The following DNAH9 variants were observed in gnomAD, a reference collection of about 807,000 sequenced individuals.
The protein encoded by DNAH9 is DNAH9 variant protein.
A neutral mutation model predicts 471.6 loss-of-function variants in DNAH9; 345 were observed. That is an observed-to-expected ratio of 0.73 (90% confidence interval 0.67 to 0.80). The LOEUF is 0.80. DNAH9 is among the 30% of genes least tolerant of loss of function. The probability of loss-of-function intolerance (pLI) is 0.00; values close to 1 mark genes in which losing one functional copy is unlikely to be tolerated. For synonymous variants in DNAH9, 2,093 were observed against 2,123.6 expected (o/e 0.99, Z 0.40); for missense variants, 5,407 against 5,609.2 (o/e 0.96, Z 1.15).
intron 67 of DNAH9, among the ~76,000 whole-genome samples, chr17:11,949,529 T>C (rs1243249323): frequency 6.6e-6 from 1 of 152,050 alleles, no homozygotes; most frequent in African/African-American, 2.4e-5. Context: ...TTGTCCAGGC[T>C]GGAGTGCAAT....
chr17:11,650,815 G>A (rs1043354552), intron 12 of DNAH9, among the ~76,000 whole-genome samples: 3 of 152,148 alleles, frequency 2.0e-5, no homozygotes, highest in Non-Finnish European at 2.9e-5. Context: ...TATCACACTT[G>A]TCTCTGTTCT....
chr17:11,796,067 T>C (rs1011065805), intron 42 of DNAH9, among the ~76,000 whole-genome samples: 1 of 152,262 alleles, frequency 6.6e-6, no homozygotes, highest in Non-Finnish European at 1.5e-5. Flanking sequence ...GTTGATTTTC[T>C]CTCTGCCTTC....
intron 54 of DNAH9, among the ~76,000 whole-genome samples, chr17:11,880,409 C>T (rs1972673765): frequency 1.3e-5 from 2 of 152,156 alleles, no homozygotes; most frequent in African/African-American, 4.8e-5. Flanking sequence ...AACTTTGCTT[C>T]CATCAGCCAG....
At chr17:11,693,829 T>C (rs1333147710) in intron 20 of DNAH9, 39 bp from the exon 21 acceptor site, 1 of 1,612,962 alleles carries the variant, frequency 6.2e-7, no homozygotes, top group Non-Finnish European at 8.5e-7. Flanking sequence ...AGGAACTGAG[T>C]GGAGTGGTGG....
Position 11,598,487 on chromosome 17 carries a change from A to C in DNAH9, c.-12A>C. On this transcript the variant is annotated 5_prime_UTR_variant, in exon 1 of 69. Coordinates refer to ENST00000262442, the MANE Select transcript of DNAH9 (RefSeq NM_001372.4). ...TCGCTAGGGAAACCGATGCAGCTGG[A>C]GGCCGCGCGCGATGCGGCTCGCGGA... The C allele has an allele frequency of 3.7e-6, 5 of 1,363,406 alleles. No individual in the cohort carries two copies. Among genetic ancestry groups the C allele is most frequent in the Non-Finnish European group, 4.7e-6 (5 of 1,066,718 alleles). 84.5% of individuals were successfully genotyped at this position (1,363,406 alleles called of 1,614,324 possible).
chr17:11,953,077 C>T (rs1408108812), intron 67 of DNAH9, among the ~76,000 whole-genome samples: 1 of 152,166 alleles, frequency 6.6e-6, no homozygotes, highest in Admixed American at 6.5e-5. Context: ...GGGCTTCATC[C>T]TTATGACGTC....
chr17:11,636,846 C>G (rs2073176367), intron 9 of DNAH9, 62 bp downstream of exon 9: 2 of 1,431,274 alleles, frequency 1.4e-6, no homozygotes, highest in South Asian at 2.3e-5. Flanking sequence ...GCAACTCATT[C>G]CTCTTGTATT....
intron 57 of DNAH9, among the ~76,000 whole-genome samples, chr17:11,889,146 C>G (rs1972972228): frequency 6.6e-6 from 1 of 152,184 alleles, no homozygotes; most frequent in Non-Finnish European, 1.5e-5. Flanking sequence ...TCACTGGGTT[C>G]TCCTGCAGAT....
chr17:11,890,775 CAT>C (rs1176341070), intron 57 of DNAH9, among the ~76,000 whole-genome samples: 5 of 152,158 alleles, frequency 3.3e-5, no homozygotes, highest in Admixed American at 2.6e-4. Flanking sequence ...GTGGCACCAG[CAT>C]AGTTCATTGC....
chr17:11,689,261 A>G (rs917347514), intron 19 of DNAH9, among the ~76,000 whole-genome samples: 3 of 152,042 alleles, frequency 2.0e-5, no homozygotes, highest in Admixed American at 1.3e-4. Context: ...AGGGGCTTGG[A>G]TAAGGGGGTA....
Position 11,629,468 on chromosome 17 carries a change from A to G in DNAH9, c.1402A>G (p.Ser468Gly), listed in dbSNP as rs2073027555. Residue 468 changes from serine to glycine, a missense_variant, in exon 7 of 69, where the codon AGC (serine) becomes GGC (glycine). Physicochemically the swap from Ser to Gly is moderately conservative, Grantham distance 56. This residue lies in a region of DNAH9 where 767 missense variants were observed against 692.5 expected (regional missense o/e 1.11). Coordinates refer to ENST00000262442, the MANE Select transcript of DNAH9 (RefSeq NM_001372.4). ...DFHKLGKVEF[S>G]GVRGNALSQQ... ...CCACAAACTGGGAAAGGTGGAGTTC[A>G]GCGGCGTCAGAGGGAATGCTCTGAG... is the stretch of plus-strand genomic sequence containing the variant. 1 of 1,614,164 alleles carries G rather than the reference A, an allele frequency of 6.2e-7. No individual in the cohort carries two copies.
chr17:11,742,768 A>G (rs2075451076), intron 30 of DNAH9, among the ~76,000 whole-genome samples: 1 of 152,194 alleles, frequency 6.6e-6, no homozygotes, highest in Non-Finnish European at 1.5e-5. Context: ...TTAGCAAAAC[A>G]TTACCTGCAA....
intron 26 of DNAH9, among the ~76,000 whole-genome samples, chr17:11,712,051 T>C (rs1238816449): frequency 1.3e-4 from 3 of 22,782 alleles, no homozygotes; most frequent in Admixed American, 2.3e-3. Context: ...TATTTATATA[T>C]AAATATATAT....
chr17:11,868,796 C>G (rs1477649556), intron 50 of DNAH9, among the ~76,000 whole-genome samples: 1 of 152,028 alleles, frequency 6.6e-6, no homozygotes, highest in African/African-American at 2.4e-5. Context: ...TGCACCCTTC[C>G]CCCCATCCAC....
intron 59 of DNAH9, among the ~76,000 whole-genome samples, chr17:11,900,374 C>T (rs74512343): frequency 8.7e-4 from 133 of 152,042 alleles, no homozygotes; most frequent in Admixed American, 1.8e-3. Flanking sequence ...GGTCACATGC[C>T]TCTGTCCTTC....
chr17:11,828,893 G>T (rs1328016172), intron 48 of DNAH9, among the ~76,000 whole-genome samples: 1 of 152,056 alleles, frequency 6.6e-6, no homozygotes, highest in Non-Finnish European at 1.5e-5. Flanking sequence ...ATCCTTCAAG[G>T]GCAGGGACCA....
chr17:11,721,799 C>A (rs1217072076), intron 27 of DNAH9, among the ~76,000 whole-genome samples: 2 of 152,090 alleles, frequency 1.3e-5, no homozygotes, highest in Non-Finnish European at 2.9e-5. Flanking sequence ...GATAGCATAA[C>A]CCTGGGTGCT....
intron 28 of DNAH9, among the ~76,000 whole-genome samples, chr17:11,737,668 G>A (rs1187238969): frequency 6.6e-6 from 1 of 152,200 alleles, no homozygotes; most frequent in African/African-American, 2.4e-5. Context: ...CCCACTGCTA[G>A]AGAGTAATCT....
chr17:11,836,359 A>T (rs1031525888), intron 49 of DNAH9, among the ~76,000 whole-genome samples: 2 of 152,194 alleles, frequency 1.3e-5, no homozygotes, highest in Admixed American at 1.3e-4. Flanking sequence ...ATTATATTTA[A>T]TGTGAGATGT....
Sources: gnomAD v4.1 joint callset for allele counts (sites outside exome capture counted in the v4.1 genomes callset) on GRCh38, gnomAD v4.1.1 for gene constraint, gnomAD v4.1.1 regional missense constraint, MANE v1.5 for transcripts, NCBI Gene and HGNC (gene_info 2026-07-23, HGNC 2026-07-21) for gene names.